CHSY3: variants seen among roughly 807,000 people sequenced by gnomAD.
CHSY3 encodes N-acetylgalactosaminyl-proteoglycan 3-beta-glucuronosyltransferase 3.
In CHSY3, 35 loss-of-function variants were observed where a neutral mutation model predicts 67.2. The ratio of observed to expected loss-of-function variants is 0.52; its 90% CI spans 0.40 to 0.69. The LOEUF (loss-of-function observed/expected upper bound fraction) is 0.69, where lower values mean the gene tolerates loss of function less well. Among genes scored for constraint, CHSY3 ranks in the 30% least tolerant of loss-of-function variants. The probability of loss-of-function intolerance (pLI) is 0.00; values close to 1 mark genes in which losing one functional copy is unlikely to be tolerated. For synonymous variants in CHSY3, 474 were observed against 434.7 expected, an observed-to-expected ratio of 1.09 and a Z score of -1.12; for missense variants, 1,069 against 1,138.5, an observed-to-expected ratio of 0.94 and a Z score of 0.88.
intron 2 of CHSY3, among the ~76,000 whole-genome samples, chr5:130,115,179 G>C (rs144307559): frequency 5.3e-5 from 8 of 151,792 alleles, no homozygotes; most frequent in African/African-American, 1.9e-4. Context: ...AATGATTGCA[G>C]AGTATTTTTT....
intron 2 of CHSY3, among the ~76,000 whole-genome samples, chr5:130,086,595 G>A (rs4367322): frequency 0.3 from 45,817 of 151,782 alleles, 7,289 homozygotes; most frequent in South Asian, 0.43. Context: ...ACACCTCTAC[G>A]CAAATAAACT....
Position 130,185,700 on chromosome 5 carries a change from C to A in CHSY3, c.2558C>A (p.Ser853Tyr), listed in dbSNP as rs1295486037. The A allele has an allele frequency of 6.2e-7, 1 of 1,613,870 alleles. No homozygotes were observed. Among genetic ancestry groups the A allele is most frequent in the East Asian group, 2.2e-5 (1 of 44,868 alleles). Residue 853 changes from serine (S) to tyrosine (Y), a missense_variant, in exon 3 of 3, where the codon TCC becomes TAC. By Grantham distance (144) the Ser-to-Tyr change is moderately radical. Coordinates refer to ENST00000305031, the MANE Select transcript of CHSY3 (RefSeq NM_175856.5). Reference protein sequence around the residue: ...DPKQYKMCLGSKASTFASTMQ... With the variant: ...DPKQYKMCLGYKASTFASTMQ... ...AAGCAGTATAAGATGTGCTTAGGAT[C>A]CAAGGCAAGTACTTTCGCCTCAACC...
chr5:130,125,257 A>G (rs1024221181), intron 2 of CHSY3, among the ~76,000 whole-genome samples: 1 of 152,270 alleles, frequency 6.6e-6, no homozygotes, highest in East Asian at 1.9e-4. Context: ...TCTCTCCAAA[A>G]ATTAAACAAA....
intron 2 of CHSY3, among the ~76,000 whole-genome samples, chr5:130,082,174 G>A (rs1168533261): frequency 6.6e-6 from 1 of 152,004 alleles, no homozygotes; most frequent in Non-Finnish European, 1.5e-5. Flanking sequence ...CCCATCTCCA[G>A]TGGGGTTTCA....
chr5:130,005,441 AC>A (rs1763849128), intron 2 of CHSY3, among the ~76,000 whole-genome samples: 2 of 148,624 alleles, frequency 1.3e-5, no homozygotes, highest in African/African-American at 2.5e-5. Context: ...AAAAAAAAAA[AC>A]ACGTTATAAT....
chr5:129,989,227 A>C (rs1256702688), intron 2 of CHSY3, among the ~76,000 whole-genome samples: 2 of 151,362 alleles, frequency 1.3e-5, no homozygotes, highest in Non-Finnish European at 1.5e-5. Flanking sequence ...AAAGGCAAAA[A>C]GGATGAGAGA....
At chr5:130,183,185 C>T (rs565854109) in intron 2 of CHSY3, among the ~76,000 whole-genome samples, 10 of 151,946 alleles carry the variant, frequency 6.6e-5, no homozygotes, top group Admixed American at 2.6e-4. Flanking sequence ...GTGTCTTAAT[C>T]GACTGGCAGA....
At chr5:130,173,401 C>T (rs1475882272) in intron 2 of CHSY3, among the ~76,000 whole-genome samples, 7 of 152,018 alleles carry the variant, frequency 4.6e-5, no homozygotes, top group African/African-American at 2.4e-5. Context: ...GATAACATCT[C>T]GCAAAACTAT....
intron 2 of CHSY3, among the ~76,000 whole-genome samples, chr5:130,074,730 T>G (rs1359475620): frequency 3.3e-5 from 5 of 152,194 alleles, no homozygotes; most frequent in Admixed American, 1.3e-4. Flanking sequence ...CTTCAGTTTT[T>G]ACATTGACAT....
At chr5:130,038,621 A>G (rs1451410242) in intron 2 of CHSY3, among the ~76,000 whole-genome samples, 3 of 152,102 alleles carry the variant, frequency 2.0e-5, no homozygotes, top group African/African-American at 7.2e-5. Flanking sequence ...TTTTGAAGGG[A>G]ATTTCCACTT....
At chr5:129,988,972 T>C (rs1763280320) in intron 2 of CHSY3, among the ~76,000 whole-genome samples, 1 of 152,186 alleles carries the variant, frequency 6.6e-6, no homozygotes, top group Non-Finnish European at 1.5e-5. Flanking sequence ...GGCATATATC[T>C]TCAGAAAGCT....
chr5:130,033,405 A>G (rs1764755854), intron 2 of CHSY3, among the ~76,000 whole-genome samples: 3 of 152,154 alleles, frequency 2.0e-5, no homozygotes, highest in Admixed American at 6.6e-5. Context: ...CCCAAAGAAG[A>G]GAGGCATTAG....
At chr5:129,938,427 T>G (rs956136672) in intron 2 of CHSY3, among the ~76,000 whole-genome samples, 1 of 152,248 alleles carries the variant, frequency 6.6e-6, no homozygotes, top group Non-Finnish European at 1.5e-5. Context: ...AAAATGAGTT[T>G]TTCTTTTGTG....
intron 2 of CHSY3, among the ~76,000 whole-genome samples, chr5:130,074,368 G>A (rs141539055): frequency 1.4e-4 from 21 of 152,276 alleles, no homozygotes; most frequent in African/African-American, 4.8e-4. Flanking sequence ...ACAGTGCCTG[G>A]CCATACAACT....
At chr5:129,978,937 G>A (rs532758598) in intron 2 of CHSY3, among the ~76,000 whole-genome samples, 37 of 151,852 alleles carry the variant, frequency 2.4e-4, no homozygotes, top group Admixed American at 1.5e-3. Context: ...GGTGGCTCAC[G>A]CCTGTAATCC....
At chr5:130,015,474 A>G (rs1173165175) in intron 2 of CHSY3, among the ~76,000 whole-genome samples, 1 of 152,164 alleles carries the variant, frequency 6.6e-6, no homozygotes, top group Non-Finnish European at 1.5e-5. Flanking sequence ...GTCAACAAAC[A>G]TATGAAAAAA....
At chr5:130,044,440 C>A (rs1765087978) in intron 2 of CHSY3, among the ~76,000 whole-genome samples, 1 of 151,874 alleles carries the variant, frequency 6.6e-6, no homozygotes, top group Admixed American at 6.6e-5. Context: ...TTGGTGAGTA[C>A]TGAAGCATGA....
At chr5:130,032,437 T>C (rs1332861388) in intron 2 of CHSY3, among the ~76,000 whole-genome samples, 1 of 152,096 alleles carries the variant, frequency 6.6e-6, no homozygotes, top group East Asian at 1.9e-4. Flanking sequence ...TAAAGGTAGA[T>C]TTTGCCTAGG....
At chr5:130,110,190 G>T (rs1019482501) in intron 2 of CHSY3, among the ~76,000 whole-genome samples, 1 of 151,762 alleles carries the variant, frequency 6.6e-6, no homozygotes, top group Non-Finnish European at 1.5e-5. Flanking sequence ...CTTCAGAAAT[G>T]AGCTTGGCTT....
Sources: gnomAD v4.1 joint callset for allele counts (sites outside exome capture counted in the v4.1 genomes callset) on GRCh38, gnomAD v4.1.1 for gene constraint, MANE v1.5 for transcripts, NCBI Gene and HGNC (gene_info 2026-07-23, HGNC 2026-07-21) for gene names.